SNX29: variants seen among roughly 807,000 people sequenced by gnomAD.
SNX29 encodes the protein sorting nexin-29.
A neutral mutation model predicts 102.1 loss-of-function variants in SNX29; 78 were observed. The observed-to-expected ratio is 0.76, with a 90% CI of 0.64 to 0.92. The LOEUF (loss-of-function observed/expected upper bound fraction) is 0.92, where lower values mean the gene tolerates loss of function less well. Ranked by LOEUF, SNX29 falls within the 40% of genes least tolerant of loss-of-function variation. The probability of loss-of-function intolerance (pLI) is 0.00; values close to 1 mark genes in which losing one functional copy is unlikely to be tolerated. For synonymous variants in SNX29, 580 were observed against 414.5 expected (o/e 1.40, Z -4.85); for missense variants, 1,280 against 1,061.7 (o/e 1.21, Z -2.86).
At chr16:12,560,322 A>C (rs558605261) in intron 20 of SNX29, among the ~76,000 whole-genome samples, 69 of 152,292 alleles carry the variant, frequency 4.5e-4, no homozygotes, top group African/African-American at 1.5e-3. Flanking sequence ...TGAAAAAATA[A>C]TGCTGGGTTT....
chr16:12,538,709 T>C (rs1019494979), intron 20 of SNX29, among the ~76,000 whole-genome samples: 1 of 152,110 alleles, frequency 6.6e-6, no homozygotes, highest in Non-Finnish European at 1.5e-5. Context: ...AGCCTGGGCA[T>C]GTACATCAGG....
chr16:12,308,709 A>G (rs2080431209), intron 15 of SNX29, among the ~76,000 whole-genome samples: 1 of 152,178 alleles, frequency 6.6e-6, no homozygotes, highest in South Asian at 2.1e-4. Flanking sequence ...TTACACATAA[A>G]TGGTATTTCT....
chr16:12,198,112 T>C (rs928919132), intron 13 of SNX29, among the ~76,000 whole-genome samples: 4 of 152,212 alleles, frequency 2.6e-5, no homozygotes, highest in African/African-American at 9.7e-5. Context: ...ACATTTATAC[T>C]ATCCTGTCAT....
At chr16:12,258,005 C>T (rs980881469) in intron 14 of SNX29, among the ~76,000 whole-genome samples, 5 of 152,184 alleles carry the variant, frequency 3.3e-5, no homozygotes, top group African/African-American at 1.2e-4. Context: ...CTGGGTCAGG[C>T]CCCCAGAGTC....
At chr16:12,205,647 T>G (rs1381813971) in intron 14 of SNX29, among the ~76,000 whole-genome samples, 2 of 152,220 alleles carry the variant, frequency 1.3e-5, no homozygotes, top group East Asian at 3.8e-4. Flanking sequence ...CATGCCTGTC[T>G]CCATTCAGAT....
At chr16:12,331,933 G>A (rs147387358) in intron 15 of SNX29, among the ~76,000 whole-genome samples, 154 of 152,248 alleles carry the variant, frequency 1.0e-3, no homozygotes, top group African/African-American at 3.2e-3. Context: ...GGTGGCGCAC[G>A]CCTGTAGTCC....
intron 14 of SNX29, among the ~76,000 whole-genome samples, chr16:12,265,594 C>G (rs2078903243): frequency 6.8e-6 from 1 of 148,122 alleles, no homozygotes; most frequent in Admixed American, 7.0e-5. Flanking sequence ...GGCACAGTGG[C>G]TCATGCCTAT....
intron 18 of SNX29, among the ~76,000 whole-genome samples, chr16:12,412,664 C>T (rs531609426): frequency 8.5e-5 from 13 of 152,144 alleles, no homozygotes; most frequent in South Asian, 2.1e-4. Flanking sequence ...TGCGTGCATA[C>T]GTGTGCATGT....
At chr16:12,541,901 A>G (rs1349678474) in intron 20 of SNX29, among the ~76,000 whole-genome samples, 4 of 152,216 alleles carry the variant, frequency 2.6e-5, no homozygotes, top group Non-Finnish European at 5.9e-5. Flanking sequence ...ATGATGCAAC[A>G]GATGTTTTCC....
At chr16:12,518,408 T>C (rs2089959529) in intron 19 of SNX29, among the ~76,000 whole-genome samples, 1 of 152,188 alleles carries the variant, frequency 6.6e-6, no homozygotes, top group African/African-American at 2.4e-5. Context: ...TGGGGGTTTC[T>C]TCTTGCATTT....
chr16:12,430,904 G>C (rs980291378), intron 18 of SNX29, among the ~76,000 whole-genome samples: 1 of 150,956 alleles, frequency 6.6e-6, no homozygotes, highest in Admixed American at 6.6e-5. Context: ...CCAGGCTGGA[G>C]TGCAGTGGCA....
chr16:12,529,798 C>G (rs375174504), intron 20 of SNX29, among the ~76,000 whole-genome samples: 8 of 152,204 alleles, frequency 5.3e-5, no homozygotes, highest in African/African-American at 1.9e-4. Context: ...ATGCCACACC[C>G]TGACCTGTGC....
In SNX29 at chr16:12,178,673, G is replaced by A. The variant is rs375369613; in HGVS notation, c.1596-20928G>A. 7.2e-5 allele frequency among the ~76,000 whole-genome samples: 11 copies of A among 152,342 alleles called. No homozygotes were observed. The South Asian group carries it at 2.3e-3, about 32-fold the overall frequency. On this transcript the variant is annotated intron_variant, in intron 13 of 20. Transcript: ENST00000566228. ...CCAGGGTATGGCCCGGGCCCTCTCT[G>A]TTATCGTGCATACGCAATGCTCTTA...
chr16:12,107,038 G>C (rs775130129), intron 11 of SNX29, among the ~76,000 whole-genome samples: 2 of 151,986 alleles, frequency 1.3e-5, no homozygotes, highest in Non-Finnish European at 2.9e-5. Flanking sequence ...GGCTGGTCTT[G>C]AACTCCTGGG....
At position 12,149,654 on chromosome 16, in the gene SNX29, C is replaced by T. The variant is rs1043480372; in HGVS notation, c.1595+19896C>T. Among the ~76,000 whole-genome samples, 7 of 152,078 alleles carry T rather than the reference C, an allele frequency of 4.6e-5. No homozygotes were observed. In the East Asian group the frequency reaches 5.8e-4, roughly 13 times the overall value. On this transcript the variant is annotated intron_variant, in intron 13 of 20. Coordinates refer to ENST00000566228, the MANE Select transcript of SNX29 (RefSeq NM_032167.5). ...AAGTTACTGTACCTCTGTGAGCCTC[C>T]GTGTTTAAAAATCATGAAAATGGGA...
At chr16:12,460,657 CTT>C (rs56823217) in intron 18 of SNX29, among the ~76,000 whole-genome samples, 225 of 133,612 alleles carry the variant, frequency 1.7e-3, no homozygotes, top group African/African-American at 5.4e-3. Flanking sequence ...TGTGTGAACT[CTT>C]TTTTTTTTTT....
At chr16:12,078,693 GCCT>G in intron 10 of SNX29, 137 bp from the exon 11 acceptor site, 2 of 725,672 alleles carry the variant, frequency 2.8e-6, no homozygotes, top group Non-Finnish European at 4.9e-6. Flanking sequence ...AGATAACGAG[GCCT>G]GACTAATTTC....
rs140248767 is a variant in SNX29 at position 12,571,915 on chromosome 16, C to T, written c.*3286C>T. The T allele has an allele frequency of 4.8e-4, 514 of 1,062,092 alleles. 2 individuals carry two copies. In the African/African-American group the frequency reaches 7.6e-3, roughly 16 times the overall value. 65.8% of individuals were successfully genotyped at this position (1,062,092 alleles called of 1,614,324 possible). On this transcript the variant is annotated 3_prime_UTR_variant, in exon 21 of 21. Transcript: ENST00000566228. ...AAAGCCCCCTGCATTTCTCTACTGG[C>T]AGGCCCTGGTGAAGGAAGACACTTT...
At chr16:11,981,416 C>A (rs753159008) in intron 1 of SNX29, among the ~76,000 whole-genome samples, 1 of 152,044 alleles carries the variant, frequency 6.6e-6, no homozygotes, top group African/African-American at 2.4e-5. Context: ...TTTTCACTTT[C>A]TTGGTGGTGT....
Sources: gnomAD v4.1 joint callset for allele counts (sites outside exome capture counted in the v4.1 genomes callset) on GRCh38, gnomAD v4.1.1 for gene constraint, MANE v1.5 for transcripts, NCBI Gene and HGNC (gene_info 2026-07-23, HGNC 2026-07-21) for gene names.